Variants in PTPRD observed in about 807,000 individuals in gnomAD.
PTPRD encodes protein tyrosine phosphatase receptor type D.
PTPRD carries 34 observed loss-of-function variants against 214.5 expected under a neutral mutation model. The observed-to-expected ratio is 0.16, with a 90% confidence interval of 0.12 to 0.21. The LOEUF (loss-of-function observed/expected upper bound fraction) is 0.21, where lower values mean the gene tolerates loss of function less well. Among genes scored for constraint, PTPRD ranks in the 10% least tolerant of loss-of-function variants. PTPRD has a pLI of 1.00. For missense variants in PTPRD, 2,545 were observed against 2,398.7 expected (o/e 1.06, Z -1.27); for synonymous variants, 1,128 against 845.7 (o/e 1.33, Z -5.79).
At position 8,528,581 on chromosome 9, in the gene PTPRD, A is replaced by C; in HGVS notation, c.541+10T>G. On this transcript the variant is annotated intron_variant, in intron 15 of 45. Transcript: ENST00000381196. ...TCTAGGAGTTAGTAGAAACAGTAAC[A>C]AGACCCTACCTGATCGTAACTGCTT... 6.2e-7 allele frequency: 1 copy of C among 1,612,824 alleles called. No homozygotes were observed. The highest frequency in any genetic ancestry group is 2.2e-5 in the East Asian group (1 of 44,842).
chr9:8,732,295 A>T (rs1284190793), intron 12 of PTPRD, among the ~76,000 whole-genome samples: 2 of 152,228 alleles, frequency 1.3e-5, no homozygotes, highest in African/African-American at 2.4e-5. Context: ...TACAATAATT[A>T]TATCTAGTAA....
intron 2 of PTPRD, among the ~76,000 whole-genome samples, chr9:10,594,538 T>A (rs540593346): frequency 6.6e-6 from 1 of 152,022 alleles, no homozygotes; most frequent in African/African-American, 2.4e-5. Flanking sequence ...AAGGCAGATA[T>A]AGAAATGCCT....
rs562149956 is a variant in PTPRD at position 9,456,185 on chromosome 9, A to G, written c.-236-58703T>C. Among the ~76,000 whole-genome samples, 69 of 152,068 alleles carry G rather than the reference A, an allele frequency of 4.5e-4. 1 individual carries two copies. The highest frequency in any genetic ancestry group is 1.7e-3 in the African/African-American group (69 of 41,562). On this transcript the variant is annotated intron_variant, in intron 8 of 45. Coordinates refer to ENST00000381196, the MANE Select transcript of PTPRD (RefSeq NM_002839.4). ...TAACAACTGAGGCATGTTTAGTCAC[A>G]TTGTTAAGAACATAACTCAGTTTTA...
chr9:10,332,545 T>C (rs1449122005), intron 3 of PTPRD, among the ~76,000 whole-genome samples: 1 of 151,712 alleles, frequency 6.6e-6, no homozygotes. Context: ...TTTTAGAAAA[T>C]AATATTGAGG....
intron 4 of PTPRD, among the ~76,000 whole-genome samples, chr9:9,972,973 G>T (rs1018837339): frequency 6.6e-6 from 1 of 152,166 alleles, no homozygotes; most frequent in South Asian, 2.1e-4. Context: ...TTAAATTAAG[G>T]CATAGACATC....
At chr9:10,276,346 C>T (rs1250945792) in intron 3 of PTPRD, among the ~76,000 whole-genome samples, 1 of 152,078 alleles carries the variant, frequency 6.6e-6, no homozygotes, top group African/African-American at 2.4e-5. Flanking sequence ...CTATTATTTG[C>T]CCCCAAGGAC....
chr9:10,153,780 G>T (rs1157906882), intron 3 of PTPRD, among the ~76,000 whole-genome samples: 1 of 151,880 alleles, frequency 6.6e-6, no homozygotes, highest in African/African-American at 2.4e-5. Flanking sequence ...AGAACATGTG[G>T]TATTTGGTTT....
chr9:10,273,432 T>C (rs942581920), intron 3 of PTPRD, among the ~76,000 whole-genome samples: 3 of 152,086 alleles, frequency 2.0e-5, no homozygotes, highest in Non-Finnish European at 4.4e-5. Context: ...GCCAACTACA[T>C]TAGATATGGT....
At chr9:10,541,838 T>C (rs1349062173) in intron 2 of PTPRD, among the ~76,000 whole-genome samples, 1 of 152,150 alleles carries the variant, frequency 6.6e-6, no homozygotes, top group Non-Finnish European at 1.5e-5. Flanking sequence ...TAAATATATT[T>C]AATAACAAAT....
chr9:9,037,225 G>T (rs567859879), intron 10 of PTPRD, among the ~76,000 whole-genome samples: 1 of 152,054 alleles, frequency 6.6e-6, no homozygotes, highest in Admixed American at 6.6e-5. Flanking sequence ...AGATAATTTA[G>T]TCCAAATCCT....
In PTPRD at chr9:10,060,937, TTTCTTTC is replaced by T. The variant is rs2097766815; in HGVS notation, c.-544-27154_-544-27148del. ...CTTTCTTTCTTTCTTTCTTTCTTTC[TTTCTTTC>T]TTTCTTTCTCTCTCTTCCTTTCTTC... is the stretch of plus-strand genomic sequence containing the variant. On this transcript the variant is annotated intron_variant, in intron 3 of 45. Transcript: ENST00000381196. Among the ~76,000 whole-genome samples the T allele has an allele frequency of 2.2e-5, 3 of 136,794 alleles. No individual in the cohort carries two copies. In the South Asian group the frequency reaches 6.5e-4, roughly 30 times the overall value. The allele number at this position is 136,794 out of a possible 152,430, so 89.7% of individuals were successfully genotyped here.
chr9:9,085,584 C>T (rs1053864284), intron 10 of PTPRD, among the ~76,000 whole-genome samples: 1 of 151,768 alleles, frequency 6.6e-6, no homozygotes, highest in African/African-American at 2.4e-5. Flanking sequence ...TAAATGGTCA[C>T]ATTAGCACTT....
intron 12 of PTPRD, among the ~76,000 whole-genome samples, chr9:8,691,749 C>G (rs966426472): frequency 2.2e-4 from 33 of 152,194 alleles, no homozygotes; most frequent in Non-Finnish European, 3.8e-4. Flanking sequence ...CTTCCTTTCA[C>G]ATTTTCAATG....
intron 8 of PTPRD, among the ~76,000 whole-genome samples, chr9:9,448,047 A>T (rs185740268): frequency 3.3e-5 from 5 of 152,040 alleles, no homozygotes; most frequent in Non-Finnish European, 5.9e-5. Context: ...CTTGTGTTTG[A>T]AGGGGTTCAT....
At chr9:9,818,061 G>T (rs1214943912) in intron 5 of PTPRD, among the ~76,000 whole-genome samples, 1 of 152,152 alleles carries the variant, frequency 6.6e-6, no homozygotes, top group Non-Finnish European at 1.5e-5. Context: ...TCTCACAGTG[G>T]CTTATGTTTG....
intron 2 of PTPRD, among the ~76,000 whole-genome samples, chr9:10,410,550 C>T (rs1469748995): frequency 6.6e-6 from 1 of 151,208 alleles, no homozygotes; most frequent in Admixed American, 6.6e-5. Flanking sequence ...CATTGATACA[C>T]ACATAATAAA....
chr9:9,691,433 A>G (rs1030734176), intron 7 of PTPRD, among the ~76,000 whole-genome samples: 1 of 152,048 alleles, frequency 6.6e-6, no homozygotes. Flanking sequence ...GATGACCTCC[A>G]GTTCTATCCA....
intron 14 of PTPRD, among the ~76,000 whole-genome samples, chr9:8,577,828 G>T (rs1348604381): frequency 6.6e-6 from 1 of 152,150 alleles, no homozygotes; most frequent in Non-Finnish European, 1.5e-5. Flanking sequence ...CGCTGAATCA[G>T]AAACTCTAGG....
At chr9:9,200,231 A>G (rs1363340420) in intron 9 of PTPRD, among the ~76,000 whole-genome samples, 1 of 152,246 alleles carries the variant, frequency 6.6e-6, no homozygotes, top group Non-Finnish European at 1.5e-5. Flanking sequence ...AGAAAATTTG[A>G]GCAAAAATCC....
Sources: allele counts gnomAD v4.1 joint callset (sites outside exome capture counted in the v4.1 genomes callset), GRCh38; gene constraint gnomAD v4.1.1; transcripts MANE v1.5; gene names NCBI Gene and HGNC (gene_info 2026-07-23, HGNC 2026-07-21).